The following PTPRD variants were observed in gnomAD, a reference collection of about 807,000 sequenced individuals.
PTPRD encodes the protein protein tyrosine phosphatase receptor type D.
Under a neutral mutation model 214.5 loss-of-function variants are expected in PTPRD, and 34 were observed. The ratio of observed to expected loss-of-function variants is 0.16; its 90% CI spans 0.12 to 0.21. The LOEUF (loss-of-function observed/expected upper bound fraction) is 0.21. Ranked by LOEUF, PTPRD falls within the 10% of genes least tolerant of loss-of-function variation. PTPRD has a pLI of 1.00. For missense variants in PTPRD, 2,545 were observed against 2,398.7 expected, an observed-to-expected ratio of 1.06 and a Z score of -1.27; for synonymous variants, 1,128 against 845.7, an observed-to-expected ratio of 1.33 and a Z score of -5.79.
chr9:9,309,006 A>T (rs545346551), intron 9 of PTPRD, among the ~76,000 whole-genome samples: 10 of 152,252 alleles, frequency 6.6e-5, no homozygotes, highest in African/African-American at 2.2e-4. Flanking sequence ...TATGAGTGAT[A>T]TATTAAAACA....
At chr9:10,196,618 T>G (rs915483623) in intron 3 of PTPRD, among the ~76,000 whole-genome samples, 2 of 152,166 alleles carry the variant, frequency 1.3e-5, no homozygotes, top group African/African-American at 4.8e-5. Flanking sequence ...GGAATTGCCT[T>G]CAAGGGAAAA....
chr9:9,072,006 T>C (rs2099744454), intron 10 of PTPRD, among the ~76,000 whole-genome samples: 1 of 152,156 alleles, frequency 6.6e-6, no homozygotes, highest in South Asian at 2.1e-4. Flanking sequence ...TGCACAGTCA[T>C]ATCAGAGCTC....
intron 5 of PTPRD, among the ~76,000 whole-genome samples, chr9:9,928,105 T>C (rs527516354): frequency 1.1e-4 from 17 of 152,150 alleles, no homozygotes; most frequent in Non-Finnish European, 1.6e-4. Context: ...ATTGTAGTGC[T>C]CCAGAAAATA....
At chr9:9,578,283 C>T (rs563504421) in intron 7 of PTPRD, among the ~76,000 whole-genome samples, 1 of 151,976 alleles carries the variant, frequency 6.6e-6, no homozygotes, top group Non-Finnish European at 1.5e-5. Context: ...AAAAGTTATA[C>T]ATTCAAGTTT....
intron 7 of PTPRD, among the ~76,000 whole-genome samples, chr9:9,689,112 T>C (rs1315860451): frequency 1.3e-5 from 2 of 151,900 alleles, no homozygotes; most frequent in Non-Finnish European, 2.9e-5. Flanking sequence ...TTTATCCTTT[T>C]CTGTTTGAGT....
At chr9:10,090,917 T>TACACACACACACACAC (rs747128757) in intron 3 of PTPRD, among the ~76,000 whole-genome samples, 3 of 52,976 alleles carry the variant, frequency 5.7e-5, no homozygotes, top group East Asian at 2.1e-3. Context: ...ATAAATGAAA[T>TACACACACACACACAC]ATACACACAC....
chr9:9,270,014 A>C (rs1455236594), intron 9 of PTPRD, among the ~76,000 whole-genome samples: 1 of 150,424 alleles, frequency 6.6e-6, no homozygotes, highest in African/African-American at 2.4e-5. Context: ...TTACTATATA[A>C]TATTACTATA....
chr9:10,385,998 C>T (rs2097907575), intron 2 of PTPRD, among the ~76,000 whole-genome samples: 1 of 151,728 alleles, frequency 6.6e-6, no homozygotes, highest in African/African-American at 2.4e-5. Context: ...TGTCATATTT[C>T]TTTACCTTTG....
At chr9:8,432,140 T>C (rs937903795) in intron 35 of PTPRD, among the ~76,000 whole-genome samples, 3 of 152,228 alleles carry the variant, frequency 2.0e-5, no homozygotes, top group African/African-American at 7.2e-5. Context: ...GATTTAAAGA[T>C]TCACCAGCCT....
intron 11 of PTPRD, among the ~76,000 whole-genome samples, chr9:8,736,871 A>T: frequency 6.6e-6 from 1 of 152,142 alleles, no homozygotes; most frequent in Admixed American, 6.6e-5. Flanking sequence ...AAATCTCAAA[A>T]GTTCATTGGA....
At position 9,382,656 on chromosome 9, in the gene PTPRD, G is replaced by A. The variant is rs140374178; in HGVS notation, c.-203+14793C>T. On this transcript the variant is annotated intron_variant, in intron 9 of 45. Transcript: ENST00000381196. ...ATTGAGAAAGAGAGAGAGAGAATAA[G>A]TGTCCATGAGGGGACAGAGAAATTG... Among the ~76,000 whole-genome samples, 29 of 152,010 alleles carry A rather than the reference G, an allele frequency of 1.9e-4. 1 individual carries two copies. The highest frequency in any genetic ancestry group is 2.8e-4 in the Non-Finnish European group (19 of 67,986).
At chr9:9,526,637 T>A (rs772641758) in intron 8 of PTPRD, among the ~76,000 whole-genome samples, 1 of 152,168 alleles carries the variant, frequency 6.6e-6, no homozygotes, top group Non-Finnish European at 1.5e-5. Context: ...CACATTAAAT[T>A]AGTAAAGATC....
At chr9:8,613,184 CTT>C (rs1465435982) in intron 14 of PTPRD, among the ~76,000 whole-genome samples, 1 of 152,096 alleles carries the variant, frequency 6.6e-6, no homozygotes, top group East Asian at 1.9e-4. Flanking sequence ...AAGAATGTTA[CTT>C]TTGAATAGAC....
chr9:9,737,578 A>G (rs1020480562), intron 6 of PTPRD, among the ~76,000 whole-genome samples: 2 of 152,144 alleles, frequency 1.3e-5, no homozygotes, highest in African/African-American at 4.8e-5. Context: ...TGTACACTTC[A>G]TATAAATGGA....
rs117792026 is a variant in PTPRD at position 9,906,349 on chromosome 9, C to T, written c.-368+32158G>A. 3.3e-4 allele frequency among the ~76,000 whole-genome samples: 50 copies of T among 151,980 alleles called. No individual in the cohort carries two copies. In the East Asian group the frequency reaches 9.3e-3, roughly 28 times the overall value. On this transcript the variant is annotated intron_variant, in intron 5 of 45. Coordinates refer to ENST00000381196, the MANE Select transcript of PTPRD (RefSeq NM_002839.4). ...TAGGTCCCTCCAGTAATTCCAACTT[C>T]ACTCTATACTCAATTGTTATCGTTG...
intron 9 of PTPRD, among the ~76,000 whole-genome samples, chr9:9,325,854 T>C (rs1969806679): frequency 6.6e-6 from 1 of 152,196 alleles, no homozygotes; most frequent in Non-Finnish European, 1.5e-5. Flanking sequence ...CTTATTATTT[T>C]GAGATATGTT....
intron 35 of PTPRD, among the ~76,000 whole-genome samples, chr9:8,430,428 G>A (rs1349959701): frequency 1.4e-5 from 2 of 138,044 alleles, no homozygotes; most frequent in East Asian, 4.8e-4. Flanking sequence ...ATGCCACCAC[G>A]ACAGGCTAAT....
intron 33 of PTPRD, among the ~76,000 whole-genome samples, chr9:8,451,663 A>G (rs1476875393): frequency 1.3e-5 from 2 of 152,176 alleles, no homozygotes; most frequent in African/African-American, 2.4e-5. Flanking sequence ...CAGCCAGTCA[A>G]TTCCACGTGA....
intron 10 of PTPRD, among the ~76,000 whole-genome samples, chr9:9,125,534 C>T (rs764263593): frequency 3.3e-5 from 5 of 152,126 alleles, no homozygotes; most frequent in Non-Finnish European, 7.3e-5. Context: ...GACTATGAGC[C>T]TTCAGGGCAA....
Sources: gnomAD v4.1 joint callset for allele counts (sites outside exome capture counted in the v4.1 genomes callset) on GRCh38, gnomAD v4.1.1 for gene constraint, MANE v1.5 for transcripts, NCBI Gene and HGNC (gene_info 2026-07-23, HGNC 2026-07-21) for gene names.